RBFOX1: variants seen among roughly 807,000 people sequenced by gnomAD.
The protein encoded by RBFOX1 is RNA binding fox-1 homolog 1.
RBFOX1 carries 8 observed loss-of-function variants against 57.7 expected under a neutral mutation model. That is an observed-to-expected ratio of 0.14 (90% CI 0.08 to 0.25). The LOEUF (loss-of-function observed/expected upper bound fraction) is 0.25. Ranked by LOEUF, RBFOX1 falls within the 10% of genes least tolerant of loss-of-function variation. The pLI is 1.00. For missense variants in RBFOX1, 611 were observed against 548.5 expected (o/e 1.11, Z -1.14); for synonymous variants, 326 against 222.4 (o/e 1.47, Z -4.15).
At chr16:5,866,722 A>G (rs2057351163) in intron 3 of RBFOX1, among the ~76,000 whole-genome samples, 1 of 152,182 alleles carries the variant, frequency 6.6e-6, no homozygotes, top group South Asian at 2.1e-4. Flanking sequence ...AACTTGTACA[A>G]ACCCCAATAT....
intron 3 of RBFOX1, among the ~76,000 whole-genome samples, chr16:6,859,421 T>C (rs566713944): frequency 6.6e-6 from 1 of 152,042 alleles, no homozygotes; most frequent in African/African-American, 2.4e-5. Context: ...TAATTGATTT[T>C]ACTTGTCAGC....
chr16:6,775,100 C>T lies in RBFOX1; in HGVS notation c.-16+120450C>T, dbSNP rs572315154. Among the ~76,000 whole-genome samples, 18 of 149,792 alleles carry T rather than the reference C, an allele frequency of 1.2e-4. No individual in the cohort carries two copies. In the South Asian group the frequency reaches 3.2e-3, roughly 26 times the overall value. ...CAGCACTTTGGGAGGCCAGGTCTGG[C>T]GGATCACGAGGTCAGGAGATCCAGA... is the stretch of plus-strand genomic sequence containing the variant. On this transcript the variant is annotated intron_variant, in intron 3 of 15. Coordinates refer to ENST00000550418, the MANE Select transcript of RBFOX1 (RefSeq NM_018723.4).
At chr16:7,122,957 A>G (rs892964370) in intron 4 of RBFOX1, among the ~76,000 whole-genome samples, 1 of 152,132 alleles carries the variant, frequency 6.6e-6, no homozygotes, top group East Asian at 1.9e-4. Context: ...AAACGATGAC[A>G]TAGTGTATAA....
chr16:6,725,204 C>T (rs934486661), intron 3 of RBFOX1, among the ~76,000 whole-genome samples: 11 of 151,912 alleles, frequency 7.2e-5, no homozygotes, highest in Non-Finnish European at 1.5e-4. Flanking sequence ...GCACCCGCCA[C>T]CATGCCCAGC....
At chr16:5,733,607 C>G (rs895949435) in intron 3 of RBFOX1, among the ~76,000 whole-genome samples, 10 of 152,138 alleles carry the variant, frequency 6.6e-5, no homozygotes, top group African/African-American at 2.2e-4. Context: ...GTCACCTAGT[C>G]CCCAAGGTGC....
chr16:7,216,259 G>A (rs532475675), intron 4 of RBFOX1, among the ~76,000 whole-genome samples: 110 of 152,230 alleles, frequency 7.2e-4, no homozygotes, highest in South Asian at 6.2e-4. Context: ...TAAGAACATC[G>A]GAAAGTCCAG....
chr16:5,249,717 C>T (rs144698676), intron 1 of RBFOX1, among the ~76,000 whole-genome samples: 71 of 152,250 alleles, frequency 4.7e-4, no homozygotes, highest in African/African-American at 1.6e-3. Context: ...ACCTGTATTC[C>T]CAGCACTTTT....
At chr16:5,564,338 C>T (rs776881494) in intron 2 of RBFOX1, among the ~76,000 whole-genome samples, 1 of 152,092 alleles carries the variant, frequency 6.6e-6, no homozygotes, top group Non-Finnish European at 1.5e-5. Flanking sequence ...TTTCTTTACT[C>T]TTCTGTCATT....
At chr16:6,312,732 CCTTA>C (rs1427336400) in intron 1 of RBFOX1, among the ~76,000 whole-genome samples, 64 of 151,032 alleles carry the variant, frequency 4.2e-4, no homozygotes, top group South Asian at 1.7e-3. Context: ...TTCCTTCCTT[CCTTA>C]CTTCTTTCCT....
intron 4 of RBFOX1, among the ~76,000 whole-genome samples, chr16:5,911,881 C>T (rs1310363702): frequency 1.3e-5 from 2 of 152,112 alleles, no homozygotes; most frequent in Non-Finnish European, 1.5e-5. Context: ...CTCCCTAAAG[C>T]CCGAACTCTG....
chr16:7,145,651 G>A (rs142092021), intron 4 of RBFOX1, among the ~76,000 whole-genome samples: 2 of 152,196 alleles, frequency 1.3e-5, no homozygotes, highest in African/African-American at 4.8e-5. Context: ...CATTTTCTGG[G>A]TGTTTAATAG....
intron 4 of RBFOX1, among the ~76,000 whole-genome samples, chr16:7,085,281 A>G (rs2059818988): frequency 6.6e-6 from 1 of 152,150 alleles, no homozygotes; most frequent in Non-Finnish European, 1.5e-5. Flanking sequence ...CCTAAAGAGA[A>G]CAGCTGCCAC....
chr16:7,698,493 C>CA (rs1268431834), intron 14 of RBFOX1, among the ~76,000 whole-genome samples: 1 of 152,096 alleles, frequency 6.6e-6, no homozygotes, highest in Non-Finnish European at 1.5e-5. Context: ...AAGGAGGTGT[C>CA]ACCAGCGCCT....
rs1228812650 is a variant in RBFOX1, at chr16:6,780,444, A to ATATATACATTTTTATATATATT, written c.-16+125836_-16+125857dup. On this transcript the variant is annotated intron_variant, in intron 3 of 15. Transcript: ENST00000550418. Reference sequence around the variant, plus strand: ...TTTATATATATTTATAGATATATTTATATATACATTTTTATATATATTTAT... The same window carrying ATATATACATTTTTATATATATT: ...TTTATATATATTTATAGATATATTTATATATACATTTTTATATATATTTATATACATTTTTATATATATTTAT... Among the ~76,000 whole-genome samples the ATATATACATTTTTATATATATT allele has an allele frequency of 7.4e-4, 84 of 113,324 alleles. 2 individuals carry two copies. The highest frequency in any genetic ancestry group is 2.3e-3 in the Admixed American group (20 of 8,656). 74.3% of individuals were successfully genotyped at this position (113,324 alleles called of 152,430 possible). A position where few individuals can be genotyped will look rare whatever the true frequency, so the allele number is the denominator to read the frequency against.
At chr16:7,568,321 A>C (rs139571833) in intron 5 of RBFOX1, among the ~76,000 whole-genome samples, 262 of 152,316 alleles carry the variant, frequency 1.7e-3, no homozygotes, top group Middle Eastern at 3.4e-3. Flanking sequence ...GGCAATTCCC[A>C]GAACTTAGGG....
chr16:6,750,093 G>A (rs1208320901), intron 3 of RBFOX1, among the ~76,000 whole-genome samples: 1 of 152,138 alleles, frequency 6.6e-6, no homozygotes, highest in Non-Finnish European at 1.5e-5. Flanking sequence ...GGTGTATAGG[G>A]TTATGATCTT....
intron 2 of RBFOX1, among the ~76,000 whole-genome samples, chr16:6,379,829 TAG>T (rs2091608011): frequency 6.6e-6 from 1 of 152,032 alleles, no homozygotes; most frequent in African/African-American, 2.4e-5. Context: ...GGGGATATGT[TAG>T]AGGAGTTTGC....
intron 4 of RBFOX1, among the ~76,000 whole-genome samples, chr16:7,488,311 C>G (rs1194884551): frequency 6.6e-6 from 1 of 152,138 alleles, no homozygotes; most frequent in Non-Finnish European, 1.5e-5. Context: ...GCATTTTTCT[C>G]CTTTTCTTTT....
chr16:6,077,464 G>C (rs1311534971), intron 1 of RBFOX1, among the ~76,000 whole-genome samples: 1 of 152,182 alleles, frequency 6.6e-6, no homozygotes, highest in Non-Finnish European at 1.5e-5. Context: ...CAGGAAGGGA[G>C]AATGAGAAAG....
Sources: allele counts gnomAD v4.1 joint callset (sites outside exome capture counted in the v4.1 genomes callset), GRCh38; gene constraint gnomAD v4.1.1; transcripts MANE v1.5; gene names NCBI Gene and HGNC (gene_info 2026-07-23, HGNC 2026-07-21).